Variants in TGM6 observed in about 807,000 individuals in gnomAD.
TGM6 encodes protein-glutamine gamma-glutamyltransferase 6.
A neutral mutation model predicts 77.5 loss-of-function variants in TGM6; 74 were observed. That is an observed-to-expected ratio of 0.96 (90% CI 0.79 to 1.16). The LOEUF (loss-of-function observed/expected upper bound fraction) is 1.16, where lower values mean the gene tolerates loss of function less well. Ranked by LOEUF, TGM6 falls within the 50% of genes most tolerant of loss-of-function variation. The pLI, the probability that TGM6 is intolerant of heterozygous loss-of-function variation, is 0.00. For synonymous variants in TGM6, 383 were observed against 378.9 expected (o/e 1.01, Z -0.12); for missense variants, 968 against 940.2 (o/e 1.03, Z -0.39).
In TGM6 at chr20:2,395,239, C is replaced by T; in HGVS notation, c.227C>T (p.Thr76Ile). ...CTCCACACCAAAGCTGTGTTCCAGACATCGGAGCTGGAGCGGGGTGAGGGC... is the reference window on the plus strand; with the variant it reads ...CTCCACACCAAAGCTGTGTTCCAGATATCGGAGCTGGAGCGGGGTGAGGGC... ...EALHTKAVFQ[T>I]SELERGEGWT... Residue 76 changes from threonine to isoleucine, a missense_variant, in exon 3 of 13, where the codon ACA becomes ATA. Coordinates refer to ENST00000202625, the MANE Select transcript of TGM6 (RefSeq NM_198994.3). 1.9e-6 allele frequency: 3 copies of T among 1,614,070 alleles called. No homozygotes were observed. Among genetic ancestry groups the T allele is most frequent in the Non-Finnish European group, 2.5e-6 (3 of 1,180,020 alleles).
chr20:2,394,485 C>T lies in TGM6; in HGVS notation c.41C>T (p.Ser14Leu), dbSNP rs146817175. 15 of 1,611,416 alleles carry T rather than the reference C, an allele frequency of 9.3e-6. No individual in the cohort carries two copies. Among genetic ancestry groups the T allele is most frequent in the Admixed American group, 3.3e-5 (2 of 59,994 alleles). The change falls in exon 2 of 13, where the codon TCG (serine) becomes TTG (leucine). Residue 14 changes from serine (S) to leucine (L), a missense_variant. By Grantham distance (145) the Ser-to-Leu change is moderately radical (BLOSUM62 -2). Coordinates refer to ENST00000202625, the MANE Select transcript of TGM6 (RefSeq NM_198994.3). ...GTCACCAAGGTGGACTGGCAGCGGTCGAGGAATGGCGCTGCCCACCACACC... is the reference window on the plus strand; with the variant it reads ...GTCACCAAGGTGGACTGGCAGCGGTTGAGGAATGGCGCTGCCCACCACACC... ...IRVTKVDWQR[S>L]RNGAAHHTQE...
chr20:2,384,801 TG>T (rs1432146849), intron 1 of TGM6, among the ~76,000 whole-genome samples: 1 of 152,064 alleles, frequency 6.6e-6, no homozygotes, highest in Non-Finnish European at 1.5e-5. Context: ...CTATGAGGCT[TG>T]GGGTAACAGG....
rs1290768586 is a variant in TGM6 at position 2,396,505 on chromosome 20, G to A, written c.425-1G>A. On this transcript the variant is annotated splice_acceptor_variant, in intron 3 of 12. Transcript: ENST00000202625. LOFTEE classifies it high-confidence loss of function. Reference sequence around the variant, plus strand: ...CACCGGGCCTGATGACTGCTTTTCAGAGGACGATGTGTTTCTGGCCTCAGA... The same window carrying A: ...CACCGGGCCTGATGACTGCTTTTCAAAGGACGATGTGTTTCTGGCCTCAGA... 6.2e-7 allele frequency: 1 copy of A among 1,614,168 alleles called. No homozygotes were observed. The highest frequency in any genetic ancestry group is 1.1e-5 in the South Asian group (1 of 91,084).
chr20:2,427,208 T>G (rs34249296), intron 10 of TGM6, among the ~76,000 whole-genome samples: 2,115 of 152,322 alleles, frequency 0.014, 22 homozygotes, highest in Non-Finnish European at 0.023. Context: ...TGTCTGTTTC[T>G]TCTTATGTGA....
chr20:2,391,190 T>C lies in TGM6; in HGVS notation c.8-3262T>C, dbSNP rs188992172. The stretch of plus-strand genomic sequence containing the variant: ...AGGGAACCCAGTGAGCATGACAGCA[T>C]CTAGAAAATGAAAGGGGCCATAGTA... On this transcript the variant is annotated intron_variant, in intron 1 of 12. Transcript: ENST00000202625. Among the ~76,000 whole-genome samples, 103 of 151,348 alleles carry C rather than the reference T, an allele frequency of 6.8e-4. 1 individual carries two copies. The highest frequency in any genetic ancestry group is 1.7e-3 in the South Asian group (8 of 4,800).
intron 9 of TGM6, among the ~76,000 whole-genome samples, chr20:2,415,823 G>A (rs983552366): frequency 2.6e-5 from 4 of 152,134 alleles, no homozygotes; most frequent in African/African-American, 2.4e-5. Flanking sequence ...CCTGGGGGGC[G>A]CTGTCCAGTT....
intron 9 of TGM6, among the ~76,000 whole-genome samples, chr20:2,406,831 C>CAAAAAAAAAAAAAAAAAAAAAAAAAA (rs3050731): frequency 3.1e-5 from 2 of 63,708 alleles, no homozygotes; most frequent in African/African-American, 8.9e-5. Context: ...CGAAACTCCT[C>CAAAAAAAAAAAAAAAAAAAAAAAAAA]AAAAAAAAAA....
chr20:2,389,176 G>A (rs2084615090), intron 1 of TGM6, among the ~76,000 whole-genome samples: 1 of 152,078 alleles, frequency 6.6e-6, no homozygotes, highest in South Asian at 2.1e-4. Context: ...CTTGCTCAGG[G>A]GAAACTAAGC....
At chr20:2,406,215 G>T (rs896252107) in intron 9 of TGM6, among the ~76,000 whole-genome samples, 5 of 152,150 alleles carry the variant, frequency 3.3e-5, no homozygotes, top group Admixed American at 2.0e-4. Context: ...CTTCTGAGCT[G>T]CCACCTCTCT....
At chr20:2,386,499 G>A (rs921816216) in intron 1 of TGM6, among the ~76,000 whole-genome samples, 1 of 152,132 alleles carries the variant, frequency 6.6e-6, no homozygotes, top group Non-Finnish European at 1.5e-5. Flanking sequence ...GCAAAATAGG[G>A]ACAAATGGGG....
At chr20:2,415,435 T>C (rs1463065541) in intron 9 of TGM6, among the ~76,000 whole-genome samples, 1 of 152,182 alleles carries the variant, frequency 6.6e-6, no homozygotes, top group Non-Finnish European at 1.5e-5. Context: ...GGAGGGGATG[T>C]TCTTGATTAT....
At chr20:2,422,810 G>A (rs1345475361) in intron 10 of TGM6, among the ~76,000 whole-genome samples, 1 of 151,814 alleles carries the variant, frequency 6.6e-6, no homozygotes, top group African/African-American at 2.4e-5. Flanking sequence ...AAATTAGCCA[G>A]GCATGGTGGT....
chr20:2,425,313 A>T (rs2084880385), intron 10 of TGM6, among the ~76,000 whole-genome samples: 1 of 151,856 alleles, frequency 6.6e-6, no homozygotes, highest in Non-Finnish European at 1.5e-5. Context: ...ACACCACTGC[A>T]CTTACAGCCT....
rs370531675 is a variant in TGM6, at chr20:2,380,984, G to A, written c.7+9G>A. 126 of 1,608,556 alleles carry A rather than the reference G, an allele frequency of 7.8e-5. No individual in the cohort carries two copies. The highest frequency in any genetic ancestry group is 3.5e-5 in the Non-Finnish European group (41 of 1,178,566). Reference sequence around the variant, plus strand: ...TGGCCTTCACATGGCAGGTAAGTGGGCAGAGCCTGGGGCCTTGGGACACCA... The same window carrying A: ...TGGCCTTCACATGGCAGGTAAGTGGACAGAGCCTGGGGCCTTGGGACACCA... On this transcript the variant is annotated intron_variant, in intron 1 of 12. Coordinates refer to ENST00000202625, the MANE Select transcript of TGM6 (RefSeq NM_198994.3).
At chr20:2,396,876 C>T (rs1480825373) in intron 4 of TGM6, among the ~76,000 whole-genome samples, 2 of 152,098 alleles carry the variant, frequency 1.3e-5, no homozygotes, top group Admixed American at 1.3e-4. Flanking sequence ...AAATGAATAG[C>T]TCTGATCAGT....
At chr20:2,423,169 A>T (rs1440406229) in intron 10 of TGM6, among the ~76,000 whole-genome samples, 1 of 151,614 alleles carries the variant, frequency 6.6e-6, no homozygotes, top group African/African-American at 2.4e-5. Context: ...AGTGGTTGCC[A>T]AAGGTTGGGG....
intron 1 of TGM6, among the ~76,000 whole-genome samples, chr20:2,386,792 T>C (rs1359520218): frequency 6.6e-6 from 1 of 151,980 alleles, no homozygotes; most frequent in African/African-American, 2.4e-5. Context: ...GGGAGCTGCT[T>C]TGGGCTGTGG....
In TGM6 at chr20:2,398,058, C is replaced by T. The variant is rs1168790755; in HGVS notation, c.672+12C>T. 1.2e-6 allele frequency: 2 copies of T among 1,614,158 alleles called. No individual in the cohort carries two copies. The highest frequency in any genetic ancestry group is 1.7e-6 in the Non-Finnish European group (2 of 1,180,030). On this transcript the variant is annotated intron_variant, in intron 5 of 12. Transcript: ENST00000202625. ...TCATCAGTGCCATGGTGAGAAGCCCCTCCATCCCTGCACATGTACTTCCTC... is the reference window on the plus strand; with the variant it reads ...TCATCAGTGCCATGGTGAGAAGCCCTTCCATCCCTGCACATGTACTTCCTC...
At position 2,403,403 on chromosome 20, in the gene TGM6, C is replaced by T. The variant is rs767780112; in HGVS notation, c.996C>T (p.Phe332=). The stretch of plus-strand genomic sequence containing the variant: ...CATCCTCTCTCTGTGGCAGGAATTT[C>T]CATGTCTGGAATGAGAGCTGGTTTG... ...EDLTEDSMWN[F]HVWNESWFAR... The change falls in exon 8 of 13, where the codon TTC becomes TTT. Residue 332 remains phenylalanine, a synonymous_variant. Transcript: ENST00000202625. 3.8e-5 allele frequency: 62 copies of T among 1,613,992 alleles called. No individual in the cohort carries two copies. The highest frequency in any genetic ancestry group is 5.1e-5 in the Non-Finnish European group (60 of 1,180,048).
Sources: gnomAD v4.1 joint callset for allele counts (sites outside exome capture counted in the v4.1 genomes callset) on GRCh38, gnomAD v4.1.1 for gene constraint, MANE v1.5 for transcripts, NCBI Gene and HGNC (gene_info 2026-07-23, HGNC 2026-07-21) for gene names.